Variants in CSTPP1 observed in about 807,000 individuals in gnomAD.
CSTPP1 encodes the protein centriolar satellite-associated tubulin polyglutamylase complex regulator 1, also known as UPF0705 protein C11orf49.
At chr11:47,017,146 C>T in the CSTPP1 span, among the ~76,000 whole-genome samples, 5 of 149,376 alleles carry the variant, frequency 3.3e-5, no homozygotes, top group African/African-American at 1.2e-4. Context: ...CCACCATGCC[C>T]AGCCACTTTT....
chr11:47,092,609 G>A, the CSTPP1 span, among the ~76,000 whole-genome samples: 1 of 152,166 alleles, frequency 6.6e-6, no homozygotes, highest in Non-Finnish European at 1.5e-5. Context: ...TCTCCTAAGA[G>A]TAAGGACTTT....
At chr11:47,079,318 C>CATCATT in the CSTPP1 span, among the ~76,000 whole-genome samples, 1 of 152,142 alleles carries the variant, frequency 6.6e-6, no homozygotes, top group African/African-American at 2.4e-5. Flanking sequence ...AGAGAAGTGA[C>CATCATT]ATCATTGTGG....
the CSTPP1 span, among the ~76,000 whole-genome samples, chr11:46,995,728 T>C: frequency 6.6e-6 from 1 of 152,218 alleles, no homozygotes; most frequent in African/African-American, 2.4e-5. Context: ...AAGTGCGATG[T>C]GGTGCTGAGT....
the CSTPP1 span, among the ~76,000 whole-genome samples, chr11:46,954,768 G>A: frequency 6.7e-5 from 10 of 149,912 alleles, no homozygotes; most frequent in East Asian, 1.6e-3. Flanking sequence ...TTCTCACCCC[G>A]AAGTCTCACT....
chr11:47,076,275 T>C, the CSTPP1 span, among the ~76,000 whole-genome samples: 2 of 152,190 alleles, frequency 1.3e-5, no homozygotes, highest in Non-Finnish European at 2.9e-5. Flanking sequence ...CAAATGAATA[T>C]ACCCCAGGTG....
At chr11:46,939,380 C>T in the CSTPP1 span, among the ~76,000 whole-genome samples, 3 of 151,964 alleles carry the variant, frequency 2.0e-5, no homozygotes, top group East Asian at 1.9e-4. Flanking sequence ...TGAGCCACCG[C>T]GCCCAGCCAA....
chr11:46,998,885 G>A, the CSTPP1 span, among the ~76,000 whole-genome samples: 1 of 151,974 alleles, frequency 6.6e-6, no homozygotes, highest in African/African-American at 2.4e-5. Context: ...ACAGGTGCCC[G>A]CCACATGCCC....
chr11:47,034,072 G>T, the CSTPP1 span, among the ~76,000 whole-genome samples: 2 of 151,506 alleles, frequency 1.3e-5, no homozygotes, highest in Non-Finnish European at 2.9e-5. Context: ...CACGTTGTGC[G>T]CATGTACCCT....
chr11:46,941,252 T>A, the CSTPP1 span, among the ~76,000 whole-genome samples: 1 of 152,228 alleles, frequency 6.6e-6, no homozygotes, highest in African/African-American at 2.4e-5. Flanking sequence ...TCTGCTGAAA[T>A]GCGTTTGTCT....
the CSTPP1 span, among the ~76,000 whole-genome samples, chr11:46,950,417 C>T: frequency 6.6e-6 from 1 of 152,072 alleles, no homozygotes; most frequent in South Asian, 2.1e-4. Flanking sequence ...TTGTGATCCG[C>T]CTGCCTCGGC....
chr11:46,952,278 A>G, the CSTPP1 span, among the ~76,000 whole-genome samples: 1 of 152,246 alleles, frequency 6.6e-6, no homozygotes, highest in Non-Finnish European at 1.5e-5. Flanking sequence ...ATTTTCAGCC[A>G]GTAAAAGGGG....
chr11:47,052,471 T>G, the CSTPP1 span: 3 of 1,614,086 alleles, frequency 1.9e-6, no homozygotes, highest in Non-Finnish European at 2.5e-6. Flanking sequence ...AGGGTATCAT[T>G]TTTACGGGCC....
chr11:47,081,763 A>T, the CSTPP1 span, among the ~76,000 whole-genome samples: 1 of 152,106 alleles, frequency 6.6e-6, no homozygotes, highest in Non-Finnish European at 1.5e-5. Context: ...CTTTCCTCAC[A>T]TCTTATATGC....
the CSTPP1 span, among the ~76,000 whole-genome samples, chr11:47,163,812 A>C: frequency 6.6e-6 from 1 of 151,442 alleles, no homozygotes; most frequent in Non-Finnish European, 1.5e-5. Context: ...CCACCCCGCT[A>C]ATTTTGTATT....
chr11:47,017,274 A>C, the CSTPP1 span, among the ~76,000 whole-genome samples: 2 of 150,240 alleles, frequency 1.3e-5, no homozygotes, highest in African/African-American at 4.9e-5. Flanking sequence ...TCCCAGGTTC[A>C]AGCGGTTCTC....
chr11:47,138,891 A>C, the CSTPP1 span, among the ~76,000 whole-genome samples: 1 of 143,682 alleles, frequency 7.0e-6, no homozygotes, highest in African/African-American at 2.5e-5. Flanking sequence ...AGGCAAGAGA[A>C]TTCGCTTGAA....
the CSTPP1 span, among the ~76,000 whole-genome samples, chr11:47,142,927 C>A: frequency 6.6e-6 from 1 of 152,192 alleles, no homozygotes; most frequent in Non-Finnish European, 1.5e-5. Context: ...ACACCTCAGA[C>A]CTTTCTGTCT....
chr11:46,999,219 G>GATA, the CSTPP1 span, among the ~76,000 whole-genome samples: 4 of 150,620 alleles, frequency 2.7e-5, no homozygotes, highest in Admixed American at 6.6e-5. Flanking sequence ...AGCCTTACAT[G>GATA]ATAATAATAA....
chr11:46,990,803 G>A, the CSTPP1 span, among the ~76,000 whole-genome samples: 4 of 152,098 alleles, frequency 2.6e-5, no homozygotes, highest in African/African-American at 9.7e-5. Context: ...ATTAATTTTT[G>A]TATATAGTGA....
Sources: gnomAD v4.1 joint callset for allele counts (sites outside exome capture counted in the v4.1 genomes callset) on GRCh38, gnomAD v4.1.1 for gene constraint, MANE v1.5 for transcripts, NCBI Gene and HGNC (gene_info 2026-07-23, HGNC 2026-07-21) for gene names.